The following ANKLE2 variants were observed in gnomAD, a reference collection of about 807,000 sequenced individuals.
The protein encoded by ANKLE2 is ankyrin repeat and LEM domain-containing protein 2.
Under a neutral mutation model 84.2 loss-of-function variants are expected in ANKLE2, and 55 were observed. The observed-to-expected ratio is 0.65, with a 90% CI of 0.53 to 0.82. The LOEUF (loss-of-function observed/expected upper bound fraction) is 0.82. Among genes scored for constraint, ANKLE2 ranks in the 40% least tolerant of loss-of-function variants. The pLI is 0.00. For synonymous variants in ANKLE2, 551 were observed against 486.1 expected (o/e 1.13, Z -1.76); for missense variants, 1,238 against 1,201.9 (o/e 1.03, Z -0.44).
In ANKLE2 at chr12:132,761,758, A is replaced by G; in HGVS notation, c.41T>C (p.Leu14Pro). 8.3e-7 allele frequency: 1 copy of G among 1,206,034 alleles called. No individual in the cohort carries two copies. The highest frequency in any genetic ancestry group is 1.0e-6 in the Non-Finnish European group (1 of 971,128). 74.7% of individuals were successfully genotyped at this position (1,206,034 alleles called of 1,614,324 possible). ...CGAGGCGCCCAGCAGCTCCCAGGCC[A>G]GCGCCGCCCACTCGGCCGCCGCCAG... is the stretch of plus-strand genomic sequence containing the variant. ...PRLAAAEWAALAWELLGASVL... is the reference protein window; with the variant it reads ...PRLAAAEWAAPAWELLGASVL... Residue 14 changes from leucine (L) to proline (P), a missense_variant, in exon 1 of 13, where the codon CTG becomes CCG. Coordinates refer to ENST00000357997, the MANE Select transcript of ANKLE2 (RefSeq NM_015114.3).
chr12:132,730,469 G>C lies in ANKLE2; in HGVS notation c.1892-199C>G. The C allele has an allele frequency of 5.2e-6, 3 of 576,770 alleles. No individual in the cohort carries two copies. In the South Asian group the frequency reaches 9.1e-5, roughly 17 times the overall value. 35.7% of individuals were successfully genotyped at this position (576,770 alleles called of 1,614,324 possible). On this transcript the variant is annotated intron_variant, in intron 10 of 12. Coordinates refer to ENST00000357997, the MANE Select transcript of ANKLE2 (RefSeq NM_015114.3). ...TCCAAAACCTCCTCATCAGATTTCA[G>C]GATGGAAAACCACCCACACGACTCC...
chr12:132,741,792 G>A (rs1332277179), intron 6 of ANKLE2: 13 of 517,104 alleles, frequency 2.5e-5, no homozygotes, highest in Non-Finnish European at 4.1e-5. Context: ...GCAGAAGCAC[G>A]TGAACATGTT....
rs770518021 is a variant in ANKLE2, at chr12:132,730,226, T to G, written c.1936A>C (p.Met646Leu). The change falls in exon 11 of 13, where the codon ATG (methionine) becomes CTG (leucine). Residue 646 changes from methionine (M) to leucine (L), a missense_variant. Physicochemically the swap from Met to Leu is conservative, Grantham distance 15 (BLOSUM62 2). Around this residue, in one of 3 missense-constraint regions of ANKLE2, gnomAD observed 802 missense variants for 774.5 expected, o/e 1.04. Coordinates refer to ENST00000357997, the MANE Select transcript of ANKLE2 (RefSeq NM_015114.3). ...CGATTTTTTATTTCTTCCAAGCTCA[T>G]GTCATCTTCATCTAGAAACGCCCTC... ...SVRAFLDEDD[M>L]SLEEIKNRQN... The G allele has an allele frequency of 1.9e-6, 3 of 1,585,718 alleles. No individual in the cohort carries two copies. The highest frequency in any genetic ancestry group is 2.6e-6 in the Non-Finnish European group (3 of 1,163,870).
chr12:132,732,953 C>T (rs1479346491), intron 10 of ANKLE2, among the ~76,000 whole-genome samples: 3 of 139,714 alleles, frequency 2.1e-5, no homozygotes, highest in Admixed American at 1.4e-4. Flanking sequence ...AAGCTCTCTG[C>T]GTCCTGGTGT....
chr12:132,750,794 G>A lies in ANKLE2; in HGVS notation c.696C>T (p.Ile232=). 6.2e-7 allele frequency: 1 copy of A among 1,614,152 alleles called. No individual in the cohort carries two copies. Among genetic ancestry groups the A allele is most frequent in the Non-Finnish European group, 8.5e-7 (1 of 1,180,024 alleles). ...KKEALQAVKM[I]KGSRFKAFST... The stretch of plus-strand genomic sequence containing the variant: ...AAAAAGCTTTAAATCGGGACCCTTT[G>A]ATCATCTTGACAGCTTGCAATGCTT... The change falls in exon 3 of 13, where the codon ATC becomes ATT. Residue 232 remains isoleucine (I), a synonymous_variant. Transcript: ENST00000357997.
rs1171367638 is a variant in ANKLE2, at chr12:132,726,069, A to T, written c.*1173T>A. 3.3e-5 allele frequency: 5 copies of T among 152,282 alleles called. No individual in the cohort carries two copies. 9.4% of individuals were successfully genotyped at this position (152,282 alleles called of 1,614,324 possible). On this transcript the variant is annotated 3_prime_UTR_variant, in exon 13 of 13. Coordinates refer to ENST00000357997, the MANE Select transcript of ANKLE2 (RefSeq NM_015114.3). Reference sequence around the variant, plus strand: ...CTCAAAAAGCAAGTTCAGGAAATTTAAAAATGATTTATAAAAGGCACTGAA... The same window carrying T: ...CTCAAAAAGCAAGTTCAGGAAATTTTAAAATGATTTATAAAAGGCACTGAA...
At chr12:132,737,287 GC>G (rs1285995713) in intron 7 of ANKLE2, 14 of 460,134 alleles carry the variant, frequency 3.0e-5, no homozygotes, top group Non-Finnish European at 5.0e-5. Context: ...CACTTAACCA[GC>G]CTCATTTTCC....
At chr12:132,753,170 C>G (rs188367719) in intron 2 of ANKLE2, among the ~76,000 whole-genome samples, 3 of 151,812 alleles carry the variant, frequency 2.0e-5, no homozygotes, top group Non-Finnish European at 4.4e-5. Flanking sequence ...AAAACTGGCG[C>G]GTACTGGCAC....
chr12:132,741,226 G>T (rs191571247), intron 7 of ANKLE2, among the ~76,000 whole-genome samples, 193 bp downstream of exon 7: 1 of 152,194 alleles, frequency 6.6e-6, no homozygotes, highest in Admixed American at 6.5e-5. Context: ...TCAGAGAAGG[G>T]ATAACAGAAA....
chr12:132,746,243 G>A (rs2044235756), intron 5 of ANKLE2, among the ~76,000 whole-genome samples: 1 of 151,898 alleles, frequency 6.6e-6, no homozygotes, highest in African/African-American at 2.4e-5. Context: ...CAGCTACTCG[G>A]GAGGCTGAGG....
At chr12:132,754,058 T>C (rs996338648) in intron 2 of ANKLE2, among the ~76,000 whole-genome samples, 1 of 151,260 alleles carries the variant, frequency 6.6e-6, no homozygotes, top group Non-Finnish European at 1.5e-5. Flanking sequence ...CTGGCCAAGA[T>C]GGTGAAACCC....
At chr12:132,746,813 G>A (rs1035791115) in intron 5 of ANKLE2, among the ~76,000 whole-genome samples, 1 of 152,156 alleles carries the variant, frequency 6.6e-6, no homozygotes, top group African/African-American at 2.4e-5. Context: ...CACCTGGCCT[G>A]TGTGACTGCC....
At position 132,745,188 on chromosome 12, in the gene ANKLE2, C is replaced by T. The variant is rs576733270; in HGVS notation, c.1231-1912G>A. The T allele has an allele frequency of 6.2e-4, 98 of 157,060 alleles. 1 individual carries two copies. The highest frequency in any genetic ancestry group is 1.2e-4 in the Non-Finnish European group (8 of 69,352). The allele number at this position is 157,060 out of a possible 1,614,324, so 9.7% of individuals were successfully genotyped here. On this transcript the variant is annotated intron_variant, in intron 5 of 12. Transcript: ENST00000357997. ...GCCAGCCAAGATGTCAACCCGAATT[C>T]TCCTCACAAAGGCCTGCCGTCCAAC...
intron 8 of ANKLE2, among the ~76,000 whole-genome samples, chr12:132,736,299 G>A (rs114632618): frequency 6.6e-6 from 1 of 152,234 alleles, no homozygotes; most frequent in Non-Finnish European, 1.5e-5. Context: ...GCACAGGATG[G>A]TGCGTGCAGG....
intron 2 of ANKLE2, among the ~76,000 whole-genome samples, chr12:132,752,283 TGA>T (rs2044373997): frequency 6.6e-6 from 1 of 152,072 alleles, no homozygotes; most frequent in African/African-American, 2.4e-5. Flanking sequence ...GAGGTTGGAG[TGA>T]GCCAAGATCG....
chr12:132,753,186 C>G (rs540203430), intron 2 of ANKLE2, among the ~76,000 whole-genome samples: 1 of 151,752 alleles, frequency 6.6e-6, no homozygotes, highest in Non-Finnish European at 1.5e-5. Context: ...GGCACGTGCC[C>G]GTGATCCCAG....
intron 7 of ANKLE2, among the ~76,000 whole-genome samples, chr12:132,740,263 CT>C (rs2044094855): frequency 6.6e-6 from 1 of 152,174 alleles, no homozygotes; most frequent in African/African-American, 2.4e-5. Flanking sequence ...GCTACACACA[CT>C]GAAGAAGTGT....
At chr12:132,731,015 A>G (rs1427859459) in intron 10 of ANKLE2, 1 of 152,202 alleles carries the variant, frequency 6.6e-6, no homozygotes, top group East Asian at 1.9e-4. Context: ...GAACAACTCC[A>G]TGAAGTAACC....
chr12:132,747,627 G>A (rs2044266470), intron 5 of ANKLE2, among the ~76,000 whole-genome samples: 1 of 152,176 alleles, frequency 6.6e-6, no homozygotes, highest in South Asian at 2.1e-4. Context: ...CACACACGAC[G>A]ACAATGCAGG....
Sources: gnomAD v4.1 joint callset for allele counts (sites outside exome capture counted in the v4.1 genomes callset) on GRCh38, gnomAD v4.1.1 for gene constraint, gnomAD v4.1.1 regional missense constraint, MANE v1.5 for transcripts, NCBI Gene and HGNC (gene_info 2026-07-23, HGNC 2026-07-21) for gene names.